Variants in ASAP1 observed in about 807,000 individuals in gnomAD.
The protein encoded by ASAP1 is arf-GAP with SH3 domain, ANK repeat and PH domain-containing protein 1.
A neutral mutation model predicts 145.2 loss-of-function variants in ASAP1; 43 were observed. That is an observed-to-expected ratio of 0.30 (90% CI 0.23 to 0.38). The LOEUF (loss-of-function observed/expected upper bound fraction) is 0.38, where lower values mean the gene tolerates loss of function less well. Among genes scored for constraint, ASAP1 ranks in the 10% least tolerant of loss-of-function variants. ASAP1 has a pLI of 1.00. For synonymous variants in ASAP1, 546 were observed against 515.5 expected (o/e 1.06, Z -0.80); for missense variants, 1,018 against 1,355.3 (o/e 0.75, Z 3.91).
chr8:130,072,791 A>ATGTGTGTGCG (rs1491261390), intron 27 of ASAP1, among the ~76,000 whole-genome samples: 1 of 91,166 alleles, frequency 1.1e-5, no homozygotes, highest in African/African-American at 4.1e-5. Flanking sequence ...CTTGCAATTG[A>ATGTGTGTGCG]TATGTGTGTG....
At chr8:130,220,901 C>T (rs766766315) in intron 4 of ASAP1, among the ~76,000 whole-genome samples, 4 of 152,074 alleles carry the variant, frequency 2.6e-5, no homozygotes, top group Non-Finnish European at 5.9e-5. Context: ...ACCATCAGAT[C>T]TTGTGAGAAC....
Position 130,187,586 on chromosome 8 carries a change from T to C in ASAP1, c.481-301A>G, listed in dbSNP as rs191702866. 2.6e-5 allele frequency among the ~76,000 whole-genome samples: 4 copies of C among 152,210 alleles called. No homozygotes were observed. In the East Asian group the frequency reaches 5.8e-4, roughly 22 times the overall value. Reference sequence around the variant, plus strand: ...ACTCACCACCACCCCTGGCTAATTCTTGTACTTCTTCTGTAGACATGGGGG... The same window carrying C: ...ACTCACCACCACCCCTGGCTAATTCCTGTACTTCTTCTGTAGACATGGGGG... On this transcript the variant is annotated intron_variant, in intron 6 of 29. Transcript: ENST00000518721.
intron 2 of ASAP1, among the ~76,000 whole-genome samples, chr8:130,390,087 T>C (rs1319004032): frequency 6.6e-6 from 1 of 152,146 alleles, no homozygotes; most frequent in East Asian, 1.9e-4. Context: ...GGCCTGAGAA[T>C]CTGATTTTTA....
chr8:130,141,195 C>T lies in ASAP1; in HGVS notation c.1081-4157G>A, dbSNP rs141183907. ...AACAAAACAGGAGAAACTCTGGAAA[C>T]GTCTATGTATCTATTGAGTCCTTGC... On this transcript the variant is annotated intron_variant, in intron 13 of 29. Transcript: ENST00000518721. Among the ~76,000 whole-genome samples, 30 of 152,290 alleles carry T rather than the reference C, an allele frequency of 2.0e-4. No homozygotes were observed. In the East Asian group the frequency reaches 5.6e-3, roughly 28 times the overall value.
At chr8:130,079,841 A>G in intron 26 of ASAP1, 61 bp downstream of exon 26, 1 of 1,521,222 alleles carries the variant, frequency 6.6e-7, no homozygotes, top group East Asian at 2.3e-5. Context: ...ACTCATTTCT[A>G]GAATTCTGTC....
chr8:130,359,768 C>A (rs1458860497), intron 2 of ASAP1, among the ~76,000 whole-genome samples: 1 of 152,038 alleles, frequency 6.6e-6, no homozygotes, highest in Non-Finnish European at 1.5e-5. Flanking sequence ...GGACTACAGG[C>A]GCCCGCCACC....
Position 130,058,179 on chromosome 8 carries a change from C to T in ASAP1, c.3193-103G>A, listed in dbSNP as rs188530443. The T allele has an allele frequency of 8.8e-5, 114 of 1,293,412 alleles. 1 individual carries two copies. In the African/African-American group the frequency reaches 1.3e-3, roughly 15 times the overall value. The allele number at this position is 1,293,412 out of a possible 1,614,324, so 80.1% of individuals were successfully genotyped here. On this transcript the variant is annotated intron_variant, in intron 28 of 29. Coordinates refer to ENST00000518721, the MANE Select transcript of ASAP1 (RefSeq NM_018482.4). Reference sequence around the variant, plus strand: ...TTGACCTTGGCCAGTAACTTAACCTCGCTGAGCCTTGATTTCCTCACCCTT... The same window carrying T: ...TTGACCTTGGCCAGTAACTTAACCTTGCTGAGCCTTGATTTCCTCACCCTT...
chr8:130,099,679 T>TC (rs2097525256), intron 24 of ASAP1, among the ~76,000 whole-genome samples: 6 of 133,154 alleles, frequency 4.5e-5, no homozygotes, highest in Admixed American at 3.8e-4. Flanking sequence ...AGGATTTCAT[T>TC]CTTTTTTTTT....
intron 3 of ASAP1, among the ~76,000 whole-genome samples, chr8:130,255,354 C>G (rs1006398002): frequency 6.6e-6 from 1 of 152,166 alleles, no homozygotes; most frequent in Non-Finnish European, 1.5e-5. Context: ...TGTTGGCTTC[C>G]TAACTTGTTC....
Position 130,417,299 on chromosome 8 carries a change from T to C in ASAP1, c.-27-15329A>G, listed in dbSNP as rs146141097. On this transcript the variant is annotated intron_variant, in intron 1 of 29. Coordinates refer to ENST00000518721, the MANE Select transcript of ASAP1 (RefSeq NM_018482.4). ...CACATACACACATACACAAATGCAATGGACTATGTGCCGCAGCAGCAGGGC... is the reference window on the plus strand; with the variant it reads ...CACATACACACATACACAAATGCAACGGACTATGTGCCGCAGCAGCAGGGC... Among the ~76,000 whole-genome samples the C allele has an allele frequency of 4.6e-5, 7 of 152,300 alleles. No individual in the cohort carries two copies. In the East Asian group the frequency reaches 1.3e-3, roughly 29 times the overall value.
chr8:130,318,688 G>A (rs528530070), intron 3 of ASAP1, among the ~76,000 whole-genome samples: 1 of 152,272 alleles, frequency 6.6e-6, no homozygotes, highest in Non-Finnish European at 1.5e-5. Context: ...TTTACAGTTA[G>A]GTCCCTTTCC....
intron 2 of ASAP1, among the ~76,000 whole-genome samples, chr8:130,363,127 C>T (rs550376071): frequency 3.9e-5 from 6 of 152,314 alleles, no homozygotes; most frequent in South Asian, 2.1e-4. Flanking sequence ...GAGAATTCAA[C>T]GAGCTAAGGT....
chr8:130,414,472 C>T (rs1829392998), intron 1 of ASAP1, among the ~76,000 whole-genome samples: 1 of 152,180 alleles, frequency 6.6e-6, no homozygotes, highest in African/African-American at 2.4e-5. Flanking sequence ...CCTCTACCAG[C>T]CTTGGACAAG....
chr8:130,190,386 C>T (rs1439559232), intron 5 of ASAP1, among the ~76,000 whole-genome samples: 1 of 152,102 alleles, frequency 6.6e-6, no homozygotes, highest in East Asian at 1.9e-4. Flanking sequence ...CCAATTTTCC[C>T]AGCACCATTT....
At chr8:130,404,280 A>G (rs1828929448) in intron 1 of ASAP1, among the ~76,000 whole-genome samples, 1 of 152,218 alleles carries the variant, frequency 6.6e-6, no homozygotes, top group Non-Finnish European at 1.5e-5. Context: ...TGAATCACAA[A>G]TTTAAATTAG....
rs1380478258 is a variant in ASAP1, at chr8:130,127,876, C to T, written c.1381+51G>A. ...AATAACTAGATCGTTTTATATTCTA[C>T]AGGAAGAGAAAGGATGTTGTAAAAG... On this transcript the variant is annotated intron_variant, in intron 16 of 29. Coordinates refer to ENST00000518721, the MANE Select transcript of ASAP1 (RefSeq NM_018482.4). 6 of 1,594,336 alleles carry T rather than the reference C, an allele frequency of 3.8e-6. No individual in the cohort carries two copies. The East Asian group carries it at 6.7e-5, about 18-fold the overall frequency.
At chr8:130,246,409 C>T (rs1388729528) in intron 3 of ASAP1, among the ~76,000 whole-genome samples, 2 of 152,124 alleles carry the variant, frequency 1.3e-5, no homozygotes, top group African/African-American at 4.8e-5. Context: ...GAACTGTAAT[C>T]CCCACATGTC....
intron 4 of ASAP1, among the ~76,000 whole-genome samples, chr8:130,223,240 A>G (rs1490070372): frequency 6.6e-6 from 1 of 152,154 alleles, no homozygotes; most frequent in Non-Finnish European, 1.5e-5. Context: ...CCTAGACAAC[A>G]TTTGGTGAAA....
intron 5 of ASAP1, among the ~76,000 whole-genome samples, chr8:130,188,803 A>G (rs1027874832): frequency 6.6e-6 from 1 of 151,972 alleles, no homozygotes; most frequent in African/African-American, 2.4e-5. Flanking sequence ...GTTCTTAAAC[A>G]CTATACTACA....
Sources: allele counts gnomAD v4.1 joint callset (sites outside exome capture counted in the v4.1 genomes callset), GRCh38; gene constraint gnomAD v4.1.1; transcripts MANE v1.5; gene names NCBI Gene and HGNC (gene_info 2026-07-23, HGNC 2026-07-21).